Variants in FBXL18 observed in about 807,000 individuals in gnomAD.
FBXL18 encodes the protein F-box/LRR-repeat protein 18.
Under a neutral mutation model 46.0 loss-of-function variants are expected in FBXL18, and 36 were observed. The observed-to-expected ratio is 0.78, with a 90% CI of 0.60 to 1.03. The LOEUF (loss-of-function observed/expected upper bound fraction) is 1.03, where lower values mean the gene tolerates loss of function less well. Ranked by LOEUF, FBXL18 falls within the 50% of genes least tolerant of loss-of-function variation. The probability of loss-of-function intolerance (pLI) is 0.00; values close to 1 mark genes in which losing one functional copy is unlikely to be tolerated. For synonymous variants in FBXL18, 557 were observed against 465.3 expected, an observed-to-expected ratio of 1.20 and a Z score of -2.54; for missense variants, 977 against 1,004.1, an observed-to-expected ratio of 0.97 and a Z score of 0.36.
rs1783616264 is a variant in FBXL18, at chr7:5,480,546, ATATTTTTTTT to A, written c.*1219_*1228del. ...GTGTTGAATATATATATATATATAT[ATATTTTTTTT>A]TTTTTTTTTTTTTTTTTTTTTTTTT... On this transcript the variant is annotated 3_prime_UTR_variant, in exon 5 of 5. Coordinates refer to ENST00000382368, the MANE Select transcript of FBXL18 (RefSeq NM_024963.6). 13 of 55,388 alleles carry A rather than the reference ATATTTTTTTT, an allele frequency of 2.3e-4. No homozygotes were observed. The highest frequency in any genetic ancestry group is 8.3e-4 in the Admixed American group (3 of 3,606). The allele number at this position is 55,388 out of a possible 1,614,324, so 3.4% of individuals were successfully genotyped here.
At chr7:5,492,544 C>T (rs1364630438) in intron 3 of FBXL18, among the ~76,000 whole-genome samples, 3 of 151,986 alleles carry the variant, frequency 2.0e-5, no homozygotes, top group African/African-American at 4.8e-5. Context: ...TGCGACGCCC[C>T]CCCACACACA....
intron 3 of FBXL18, among the ~76,000 whole-genome samples, chr7:5,499,558 G>A (rs548475834): frequency 9.2e-5 from 14 of 151,800 alleles, no homozygotes; most frequent in South Asian, 4.1e-4. Flanking sequence ...GCAAAACCCC[G>A]TCTCTACTAA....
Position 5,481,488 on chromosome 7 carries a change from C to G in FBXL18, c.*287G>C, listed in dbSNP as rs1783643526. 2 of 353,762 alleles carry G rather than the reference C, an allele frequency of 5.7e-6. No individual in the cohort carries two copies. 21.9% of individuals were successfully genotyped at this position (353,762 alleles called of 1,614,324 possible). A position where few individuals can be genotyped will look rare whatever the true frequency, so the allele number is the denominator to read the frequency against. On this transcript the variant is annotated 3_prime_UTR_variant, in exon 5 of 5. Coordinates refer to ENST00000382368, the MANE Select transcript of FBXL18 (RefSeq NM_024963.6). ...CAGGGATTGCGGCTCAGTATACAAA[C>G]CCCCCAGCCAGGCCCCAAGGGTCAG...
At chr7:5,466,756 G>A (rs1414121105) in intron 4 of FBXL18, among the ~76,000 whole-genome samples, 1 of 152,148 alleles carries the variant, frequency 6.6e-6, no homozygotes, top group African/African-American at 2.4e-5. Context: ...CCAAGGCCTG[G>A]GCAGGAGGCA....
At chr7:5,503,162 G>A (rs771140262) in intron 2 of FBXL18, among the ~76,000 whole-genome samples, 8 of 152,366 alleles carry the variant, frequency 5.3e-5, no homozygotes, top group Non-Finnish European at 1.0e-4. Flanking sequence ...AGACAGATCA[G>A]TTAATCTCAA....
At chr7:5,493,871 C>T (rs184097281) in intron 3 of FBXL18, among the ~76,000 whole-genome samples, 3 of 151,988 alleles carry the variant, frequency 2.0e-5, no homozygotes, top group Admixed American at 6.5e-5. Flanking sequence ...CGGTGGCTCA[C>T]GTCTATAATC....
At position 5,476,207 on chromosome 7, in the gene FBXL18, C is replaced by G. The variant is rs1003064995; in HGVS notation, c.*5568G>C. On this transcript the variant is annotated 3_prime_UTR_variant, in exon 5 of 5. Coordinates refer to ENST00000382368, the MANE Select transcript of FBXL18 (RefSeq NM_024963.6). ...GCACGCACATGCTTGCCCATGAACA[C>G]CCCCCGGGCACACACACACCCTTGC... 6.6e-6 allele frequency: 1 copy of G among 152,634 alleles called. No homozygotes were observed. The highest frequency in any genetic ancestry group is 2.4e-5 in the African/African-American group (1 of 41,380). 9.5% of individuals were successfully genotyped at this position (152,634 alleles called of 1,614,324 possible). A position where few individuals can be genotyped will look rare whatever the true frequency, so the allele number is the denominator to read the frequency against.
intron 4 of FBXL18, among the ~76,000 whole-genome samples, chr7:5,459,064 G>T (rs769441911): frequency 1.3e-5 from 2 of 152,136 alleles, no homozygotes; most frequent in Admixed American, 6.5e-5. Context: ...GAGGGTAGAG[G>T]ACTGCCTGAG....
At chr7:5,473,837 G>A (rs1205458473), downstream of FBXL18, among the ~76,000 whole-genome samples, 1 of 151,480 alleles carries the variant, frequency 6.6e-6, no homozygotes, top group African/African-American at 2.4e-5. Flanking sequence ...TGTTGCCCAG[G>A]CTGCTGGAGG....
In FBXL18 at chr7:5,481,755, A is replaced by T; in HGVS notation, c.*20T>A. On this transcript the variant is annotated 3_prime_UTR_variant, in exon 5 of 5. Coordinates refer to ENST00000382368, the MANE Select transcript of FBXL18 (RefSeq NM_024963.6). ...CAGCTTCTCGAGGTGACTGAGACCG[A>T]TGGGCGGCGGCTCCGCCTCTCACCA... 6.2e-7 allele frequency: 1 copy of T among 1,612,762 alleles called. No individual in the cohort carries two copies. Among genetic ancestry groups the T allele is most frequent in the Non-Finnish European group, 8.5e-7 (1 of 1,179,802 alleles).
intron 4 of FBXL18, among the ~76,000 whole-genome samples, chr7:5,488,093 C>G (rs1456618681): frequency 1.3e-5 from 2 of 152,250 alleles, no homozygotes; most frequent in African/African-American, 4.8e-5. Flanking sequence ...GAGCACCAGC[C>G]TTCAAAAAAC....
intron 4 of FBXL18, among the ~76,000 whole-genome samples, chr7:5,469,452 G>A (rs1783394364): frequency 6.6e-6 from 1 of 152,146 alleles, no homozygotes; most frequent in South Asian, 2.1e-4. Flanking sequence ...GTGAGCATGT[G>A]TGTGCTACAT....
At chr7:5,464,663 C>G (rs375292021) in intron 4 of FBXL18, among the ~76,000 whole-genome samples, 2 of 29,516 alleles carry the variant, frequency 6.8e-5, no homozygotes, top group Non-Finnish European at 1.1e-4. Flanking sequence ...ACTCTTATCT[C>G]AAAAAAAAAA....
chr7:5,485,779 C>T (rs994247024), intron 4 of FBXL18, among the ~76,000 whole-genome samples: 5 of 151,924 alleles, frequency 3.3e-5, no homozygotes, highest in Admixed American at 6.6e-5. Context: ...TGGCCGGGCG[C>T]GGTGGCTCAA....
intron 3 of FBXL18, among the ~76,000 whole-genome samples, chr7:5,494,127 C>T (rs533370635): frequency 1.2e-4 from 19 of 152,226 alleles, no homozygotes; most frequent in African/African-American, 4.3e-4. Context: ...ACAAAATTAG[C>T]TGGTCGTGGT....
At chr7:5,463,710 T>G (rs143504133) in intron 4 of FBXL18, among the ~76,000 whole-genome samples, 1 of 63,672 alleles carries the variant, frequency 1.6e-5, no homozygotes, top group Non-Finnish European at 2.9e-5. Context: ...ATATATTTAT[T>G]TATTTATTTA....
At chr7:5,472,323 T>TG (rs35612244), downstream of FBXL18, among the ~76,000 whole-genome samples, 5 of 152,100 alleles carry the variant, frequency 3.3e-5, no homozygotes, top group African/African-American at 7.2e-5. Context: ...TCCTGGCAAG[T>TG]GGGGGGTCTG....
At position 5,501,076 on chromosome 7, in the gene FBXL18, G is replaced by A; in HGVS notation, c.1193C>T (p.Ser398Leu). 1.9e-6 allele frequency: 3 copies of A among 1,611,406 alleles called. No individual in the cohort carries two copies. The highest frequency in any genetic ancestry group is 1.7e-6 in the Non-Finnish European group (2 of 1,179,606). Residue 398 changes from serine (S) to leucine (L), a missense_variant, in exon 3 of 5, where the codon TCG becomes TTG. Ser to Leu is a moderately radical substitution (Grantham distance 145). Coordinates refer to ENST00000382368, the MANE Select transcript of FBXL18 (RefSeq NM_024963.6). Reference sequence around the variant, plus strand: ...GCAGAGGTGGCGGCCCAGGCCCTCCGAGCTGTGGTGGTGGGCGGCCGAGAG... The same window carrying A: ...GCAGAGGTGGCGGCCCAGGCCCTCCAAGCTGTGGTGGTGGGCGGCCGAGAG... The part of the protein sequence containing the change: ...LNLSAAHHHS[S>L]EGLGRHLCQL...
chr7:5,455,367 C>T lies in FBXL18; in HGVS notation c.2001-7524G>A, dbSNP rs949566408. Among the ~76,000 whole-genome samples, 1 of 151,950 alleles carries T rather than the reference C, an allele frequency of 6.6e-6. No homozygotes were observed. The highest frequency in any genetic ancestry group is 2.4e-5 in the African/African-American group (1 of 41,358). ...TACTTGAACATTCTCAGGCCACATACTTGGGGAGCACCCTCAGGGAAGTAC... is the reference window on the plus strand; with the variant it reads ...TACTTGAACATTCTCAGGCCACATATTTGGGGAGCACCCTCAGGGAAGTAC... On this transcript the variant is annotated intron_variant and NMD_transcript_variant, in intron 4 of 6. Coordinates refer to the FBXL18 transcript ENST00000415009. The surrounding 1 kb of genome is among the most constrained non-coding windows in gnomAD (Gnocchi z 4.6).
Sources: gnomAD v4.1 joint callset for allele counts (sites outside exome capture counted in the v4.1 genomes callset) on GRCh38, gnomAD v4.1.1 for gene constraint, Gnocchi (gnomAD v3.1) non-coding constraint, MANE v1.5 for transcripts, NCBI Gene and HGNC (gene_info 2026-07-23, HGNC 2026-07-21) for gene names.